Variants in GALNT18 observed in about 807,000 individuals in gnomAD.
GALNT18 encodes polypeptide N-acetylgalactosaminyltransferase 18.
A neutral mutation model predicts 69.5 loss-of-function variants in GALNT18; 44 were observed. The observed-to-expected ratio is 0.63, with a 90% CI of 0.50 to 0.81. The LOEUF (loss-of-function observed/expected upper bound fraction) is 0.81. GALNT18 is among the 40% of genes least tolerant of loss of function. GALNT18 has a pLI of 0.00. For synonymous variants in GALNT18, 364 were observed against 318.2 expected (o/e 1.14, Z -1.53); for missense variants, 715 against 810.0 (o/e 0.88, Z 1.42).
chr11:11,563,771 A>T lies in GALNT18; in HGVS notation c.235+57588T>A, dbSNP rs1245996045. On this transcript the variant is annotated intron_variant, in intron 1 of 10. Coordinates refer to ENST00000227756, the MANE Select transcript of GALNT18 (RefSeq NM_198516.3). This position sits in a 1 kb window ranked among gnomAD's most constrained non-coding sequence, Gnocchi z 4.6. ...CCACACTTTTGTGGAAACTATTCTG[A>T]GAAATCAAAGCAGCTCTTTTCTATC... 2.6e-5 allele frequency among the ~76,000 whole-genome samples: 4 copies of T among 152,256 alleles called. No homozygotes were observed. Among genetic ancestry groups the T allele is most frequent in the African/African-American group, 7.2e-5 (3 of 41,466 alleles).
At chr11:11,422,598 T>A (rs1346980158) in intron 3 of GALNT18, among the ~76,000 whole-genome samples, 1 of 152,054 alleles carries the variant, frequency 6.6e-6, no homozygotes, top group Non-Finnish European at 1.5e-5. Flanking sequence ...GTTGGACCAT[T>A]CTTTTCCTCT....
intron 3 of GALNT18, among the ~76,000 whole-genome samples, chr11:11,412,455 G>A (rs1233926263): frequency 6.6e-6 from 1 of 152,082 alleles, no homozygotes; most frequent in Non-Finnish European, 1.5e-5. Context: ...CTTCACACAG[G>A]TGCTCTGTCC....
intron 1 of GALNT18, among the ~76,000 whole-genome samples, chr11:11,565,654 G>A (rs1197511821): frequency 6.6e-6 from 1 of 152,132 alleles, no homozygotes; most frequent in Non-Finnish European, 1.5e-5. Flanking sequence ...CCTTATATTA[G>A]GCACCAAGGA....
rs1344625095 is a variant in GALNT18 at position 11,596,787 on chromosome 11, GCAAA to G, written c.235+24568_235+24571del. Reference sequence around the variant, plus strand: ...CCTAGGATACATGATTATGTCATCTGCAAACAGAGATAGTTTTACTTTCTTTAAA... The same window carrying G: ...CCTAGGATACATGATTATGTCATCTGCAGAGATAGTTTTACTTTCTTTAAA... On this transcript the variant is annotated intron_variant, in intron 1 of 10. Coordinates refer to ENST00000227756, the MANE Select transcript of GALNT18 (RefSeq NM_198516.3). The surrounding 1 kb of genome is among the most constrained non-coding windows in gnomAD (Gnocchi z 4.2). Among the ~76,000 whole-genome samples the G allele has an allele frequency of 1.3e-5, 2 of 152,086 alleles. No individual in the cohort carries two copies. Among genetic ancestry groups the G allele is most frequent in the African/African-American group, 4.8e-5 (2 of 41,408 alleles).
intron 1 of GALNT18, among the ~76,000 whole-genome samples, chr11:11,612,095 TC>T (rs1213837291): frequency 1.3e-5 from 2 of 152,152 alleles, no homozygotes; most frequent in Middle Eastern, 6.3e-3. Flanking sequence ...GTAGCCAGTT[TC>T]CCTTCTTGGC....
At chr11:11,422,119 G>A (rs1413728047) in intron 3 of GALNT18, among the ~76,000 whole-genome samples, 1 of 152,224 alleles carries the variant, frequency 6.6e-6, no homozygotes, top group Non-Finnish European at 1.5e-5. Flanking sequence ...CCCAGGCCTG[G>A]GGTCAGGGCT....
Position 11,404,505 on chromosome 11 carries a change from G to C in GALNT18, c.596-25241C>G, listed in dbSNP as rs1854543058. On this transcript the variant is annotated intron_variant, in intron 3 of 10. Coordinates refer to ENST00000227756, the MANE Select transcript of GALNT18 (RefSeq NM_198516.3). This position sits in a 1 kb window ranked among gnomAD's most constrained non-coding sequence, Gnocchi z 4.5. ...TTAAGGATCAAACGGCGCCCAGGGA[G>C]TGAGCCAAACATTCCATGTTATAGA... 1.3e-5 allele frequency among the ~76,000 whole-genome samples: 2 copies of C among 152,158 alleles called. No homozygotes were observed. Among genetic ancestry groups the C allele is most frequent in the Non-Finnish European group, 2.9e-5 (2 of 68,036 alleles).
At chr11:11,277,573 G>C (rs1322097533) in intron 10 of GALNT18, among the ~76,000 whole-genome samples, 2 of 152,208 alleles carry the variant, frequency 1.3e-5, no homozygotes, top group East Asian at 3.9e-4. Flanking sequence ...TGCTTCTCTA[G>C]TTATTTTAAT....
intron 3 of GALNT18, among the ~76,000 whole-genome samples, chr11:11,391,915 C>T (rs566402159): frequency 3.3e-5 from 5 of 152,360 alleles, no homozygotes; most frequent in East Asian, 1.9e-4. Flanking sequence ...AGATCTGCTA[C>T]GCCGAGCCTG....
chr11:11,506,520 T>A (rs1241189826), intron 1 of GALNT18, among the ~76,000 whole-genome samples: 2 of 152,202 alleles, frequency 1.3e-5, no homozygotes, highest in Non-Finnish European at 2.9e-5. Context: ...CCAGAGTGCT[T>A]GCACTGAAGA....
rs1347322262 is a variant in GALNT18, at chr11:11,444,678, C to T, written c.428+4066G>A. ...GAAAAAAAGGAGACAAAGTAAGTGACTAGCTAGAGGTGAGAGAAAGGAGGG... is the reference window on the plus strand; with the variant it reads ...GAAAAAAAGGAGACAAAGTAAGTGATTAGCTAGAGGTGAGAGAAAGGAGGG... On this transcript the variant is annotated intron_variant, in intron 2 of 10. Transcript: ENST00000227756. This position sits in a 1 kb window ranked among gnomAD's most constrained non-coding sequence, Gnocchi z 4.4. Among the ~76,000 whole-genome samples the T allele has an allele frequency of 6.6e-6, 1 of 152,102 alleles. No homozygotes were observed. Among genetic ancestry groups the T allele is most frequent in the Non-Finnish European group, 1.5e-5 (1 of 68,030 alleles).
In GALNT18 at chr11:11,308,351, A is replaced by G. The variant is rs78404692; in HGVS notation, c.1513-15158T>C. Among the ~76,000 whole-genome samples, 1,035 of 152,228 alleles carry G rather than the reference A, an allele frequency of 6.8e-3. 16 individuals are homozygous for G. Among genetic ancestry groups the G allele is most frequent in the African/African-American group, 0.024 (978 of 41,534 alleles). ...GGCAATTCACTAAATATGTCCCTAC[A>G]TGAGATTTAATTTTTGTCTTTGTGG... On this transcript the variant is annotated intron_variant, in intron 9 of 10. Transcript: ENST00000227756.
At chr11:11,485,833 G>A (rs1041560324) in intron 1 of GALNT18, among the ~76,000 whole-genome samples, 1 of 152,208 alleles carries the variant, frequency 6.6e-6, no homozygotes. Context: ...TGTGGGGCAG[G>A]GAAACCTTGT....
rs1856239932 is a variant in GALNT18 at position 11,470,174 on chromosome 11, A to C, written c.236-21238T>G. Among the ~76,000 whole-genome samples the C allele has an allele frequency of 6.6e-6, 1 of 152,194 alleles. No homozygotes were observed. The highest frequency in any genetic ancestry group is 2.4e-5 in the African/African-American group (1 of 41,452). ...GAAGTCTCACAGCCAGCCCCCATCC[A>C]TGCTTGACCACAGCTGTTACTTTCA... On this transcript the variant is annotated intron_variant, in intron 1 of 10. Transcript: ENST00000227756. This position sits in a 1 kb window ranked among gnomAD's most constrained non-coding sequence, Gnocchi z 4.8.
At chr11:11,281,321 C>A (rs11021751) in intron 10 of GALNT18, among the ~76,000 whole-genome samples, 20,174 of 152,264 alleles carry the variant, frequency 0.13, 1,809 homozygotes, top group Admixed American at 0.28. Flanking sequence ...ATGGTCATTT[C>A]TGTCCTGATT....
chr11:11,283,622 C>G (rs561771426), intron 10 of GALNT18, among the ~76,000 whole-genome samples: 1 of 152,164 alleles, frequency 6.6e-6, no homozygotes, highest in South Asian at 2.1e-4. Flanking sequence ...TCTCATGGCT[C>G]TAGGCTGGGG....
intron 2 of GALNT18, among the ~76,000 whole-genome samples, chr11:11,434,322 G>A (rs576176545): frequency 3.9e-5 from 6 of 152,124 alleles, no homozygotes; most frequent in African/African-American, 9.7e-5. Flanking sequence ...ATAGATTGGT[G>A]TAGAATTCCT....
chr11:11,465,856 G>T lies in GALNT18; in HGVS notation c.236-16920C>A, dbSNP rs1289472324. The stretch of plus-strand genomic sequence containing the variant: ...GAGGGGCTTGCACTGTCATACTGCT[G>T]AGTACTTCTGCCTTCTTCCCTGGCC... On this transcript the variant is annotated intron_variant, in intron 1 of 10. Coordinates refer to ENST00000227756, the MANE Select transcript of GALNT18 (RefSeq NM_198516.3). This position sits in a 1 kb window ranked among gnomAD's most constrained non-coding sequence, Gnocchi z 5.7. 6.6e-6 allele frequency among the ~76,000 whole-genome samples: 1 copy of T among 152,096 alleles called. No homozygotes were observed. Among genetic ancestry groups the T allele is most frequent in the Non-Finnish European group, 1.5e-5 (1 of 68,024 alleles).
chr11:11,295,884 C>T (rs755911768), intron 9 of GALNT18, among the ~76,000 whole-genome samples: 15 of 152,080 alleles, frequency 9.9e-5, no homozygotes, highest in Non-Finnish European at 1.9e-4. Flanking sequence ...GAACAAGAGG[C>T]AAGGGGAGCC....
Sources: gnomAD v4.1 joint callset for allele counts (sites outside exome capture counted in the v4.1 genomes callset) on GRCh38, gnomAD v4.1.1 for gene constraint, Gnocchi (gnomAD v3.1) non-coding constraint, MANE v1.5 for transcripts, NCBI Gene and HGNC (gene_info 2026-07-23, HGNC 2026-07-21) for gene names.